Variants in ADTRP observed in about 807,000 individuals in gnomAD.
The protein encoded by ADTRP is androgen-dependent TFPI-regulating protein.
Under a neutral mutation model 27.0 loss-of-function variants are expected in ADTRP, and 20 were observed. The observed-to-expected ratio is 0.74, with a 90% CI of 0.52 to 1.08. The LOEUF (loss-of-function observed/expected upper bound fraction) is 1.08. Ranked by LOEUF, ADTRP falls within the 50% of genes least tolerant of loss-of-function variation. The pLI is 0.00. For synonymous variants in ADTRP, 101 were observed against 105.2 expected (o/e 0.96, Z 0.25); for missense variants, 251 against 275.0 (o/e 0.91, Z 0.62).
At chr6:11,768,875 C>T (rs1273118308) in intron 1 of ADTRP, among the ~76,000 whole-genome samples, 1 of 152,012 alleles carries the variant, frequency 6.6e-6, no homozygotes, top group Admixed American at 6.6e-5. Flanking sequence ...TGTGCTCTCC[C>T]AAGAAAGGCA....
chr6:11,766,160 A>C, intron 3 of ADTRP, 114 bp downstream of exon 3: 1 of 702,162 alleles, frequency 1.4e-6, no homozygotes, highest in South Asian at 2.2e-5. Context: ...AACAGTGATG[A>C]GGTAGATTGG....
Position 11,714,404 on chromosome 6 carries a change from C to CAT in ADTRP, c.*73_*74insAT. On this transcript the variant is annotated 3_prime_UTR_variant, in exon 6 of 6. Coordinates refer to ENST00000414691, the MANE Select transcript of ADTRP (RefSeq NM_032744.4). The stretch of plus-strand genomic sequence containing the variant: ...ATGTTCCTCCACCACCTCCCTCCAC[C>CAT]AGAAAAAAAAAAAAAAGATGAGAAA... 9.5e-7 allele frequency: 1 copy of CAT among 1,051,154 alleles called. No homozygotes were observed. The highest frequency in any genetic ancestry group is 1.3e-6 in the Non-Finnish European group (1 of 753,038). 65.1% of individuals were successfully genotyped at this position (1,051,154 alleles called of 1,614,324 possible).
chr6:11,734,246 A>G (rs765197160), intron 4 of ADTRP, among the ~76,000 whole-genome samples: 3 of 152,230 alleles, frequency 2.0e-5, no homozygotes, highest in Non-Finnish European at 2.9e-5. Context: ...TAAGCCAGAT[A>G]TGGCAAACAC....
chr6:11,716,860 G>A (rs1447695267), intron 5 of ADTRP, among the ~76,000 whole-genome samples: 1 of 149,918 alleles, frequency 6.7e-6, no homozygotes, highest in African/African-American at 2.5e-5. Context: ...GGGACTACAG[G>A]TGTGCGCCAC....
chr6:11,733,681 C>T (rs1266961845), intron 4 of ADTRP, among the ~76,000 whole-genome samples: 2 of 152,184 alleles, frequency 1.3e-5, no homozygotes, highest in African/African-American at 4.8e-5. Context: ...TTCACTGTAT[C>T]CTCCATATTT....
intron 4 of ADTRP, among the ~76,000 whole-genome samples, chr6:11,729,904 A>T (rs777447100): frequency 1.3e-5 from 2 of 152,232 alleles, no homozygotes; most frequent in Admixed American, 6.5e-5. Flanking sequence ...TTTTAGAATT[A>T]TCCTAATTTT....
At chr6:11,758,674 T>A (rs1032143550) in intron 3 of ADTRP, among the ~76,000 whole-genome samples, 16 of 150,334 alleles carry the variant, frequency 1.1e-4, no homozygotes, top group South Asian at 2.1e-4. Flanking sequence ...CATATGTAAC[T>A]AACCTGCACG....
chr6:11,745,799 TG>T (rs1274726685), intron 3 of ADTRP, among the ~76,000 whole-genome samples: 3 of 147,618 alleles, frequency 2.0e-5, no homozygotes, highest in African/African-American at 2.5e-5. Context: ...TTTTCTTTTT[TG>T]TTTTTTTTGA....
intron 4 of ADTRP, among the ~76,000 whole-genome samples, chr6:11,730,371 G>A (rs929671958): frequency 6.6e-6 from 1 of 152,156 alleles, no homozygotes; most frequent in Admixed American, 6.5e-5. Flanking sequence ...TTTTGGAAAC[G>A]GTAACAGTGG....
intron 5 of ADTRP, among the ~76,000 whole-genome samples, chr6:11,718,254 T>C (rs1162861590): frequency 2.0e-5 from 3 of 152,156 alleles, no homozygotes; most frequent in Non-Finnish European, 2.9e-5. Context: ...TCAAGGGGCA[T>C]AGGGAGAGGG....
intron 3 of ADTRP, among the ~76,000 whole-genome samples, chr6:11,760,073 G>A (rs748862572): frequency 5.9e-5 from 9 of 152,144 alleles, no homozygotes; most frequent in African/African-American, 9.7e-5. Flanking sequence ...ACCTCCAAAC[G>A]TTAAGATAAC....
At chr6:11,715,648 CT>C (rs55815652) in intron 5 of ADTRP, among the ~76,000 whole-genome samples, 6,489 of 120,472 alleles carry the variant, frequency 0.054, 234 homozygotes, top group African/African-American at 0.17. Context: ...CTGTTTTTCC[CT>C]TTTTTTTTTT....
intron 3 of ADTRP, among the ~76,000 whole-genome samples, chr6:11,745,983 G>A (rs1762854847): frequency 6.6e-6 from 1 of 152,088 alleles, no homozygotes; most frequent in African/African-American, 2.4e-5. Flanking sequence ...TAGAGATGGG[G>A]TTTCACCATG....
chr6:11,734,660 G>A (rs1401379938), intron 4 of ADTRP, among the ~76,000 whole-genome samples: 1 of 152,164 alleles, frequency 6.6e-6, no homozygotes, highest in Non-Finnish European at 1.5e-5. Flanking sequence ...GAGGCTGGTC[G>A]AGTCCATAAA....
chr6:11,772,374 A>C (rs1763812381), intron 1 of ADTRP, among the ~76,000 whole-genome samples: 1 of 152,250 alleles, frequency 6.6e-6, no homozygotes, highest in Non-Finnish European at 1.5e-5. Flanking sequence ...TAGTTTTTAC[A>C]TTCATGTGTT....
intron 4 of ADTRP, among the ~76,000 whole-genome samples, chr6:11,734,471 A>G (rs1762481788): frequency 6.6e-6 from 1 of 152,208 alleles, no homozygotes; most frequent in South Asian, 2.1e-4. Context: ...AGAGCACTGG[A>G]GTCTGGGGGT....
chr6:11,760,228 A>ATCTTTTCGATGGTCTTGTTCATTGCT (rs1763353863), intron 3 of ADTRP, among the ~76,000 whole-genome samples: 1 of 152,158 alleles, frequency 6.6e-6, no homozygotes, highest in Non-Finnish European at 1.5e-5. Context: ...ACAAGGACAG[A>ATCTTTTCGATGGTCTTGTTCATTGCT]GCATAACCAA....
intron 1 of ADTRP, among the ~76,000 whole-genome samples, chr6:11,774,216 G>T (rs1763875297): frequency 6.6e-6 from 1 of 152,080 alleles, no homozygotes; most frequent in Non-Finnish European, 1.5e-5. Context: ...GGCTGAGGCA[G>T]GAGAATTACC....
chr6:11,723,365 G>A lies in ADTRP; in HGVS notation c.642C>T (p.Leu214=), dbSNP rs760455810. 4.3e-6 allele frequency: 7 copies of A among 1,614,040 alleles called. No individual in the cohort carries two copies. The highest frequency in any genetic ancestry group is 1.7e-5 in the Admixed American group (1 of 60,002). Reference sequence around the variant, plus strand: ...TACACTGACCCCATTTCCAGTGGTTGAGCTTCTCTCCAAGTAGGTAGATGC... The same window carrying A: ...TACACTGACCCCATTTCCAGTGGTTAAGCTTCTCTCCAAGTAGGTAGATGC... ...IASIYLLGEK[L]NHWKWGDMRQ... The change falls in exon 5 of 6, where the codon CTC becomes CTT. Residue 214 remains leucine, a synonymous_variant. Transcript: ENST00000414691.
Sources: allele counts gnomAD v4.1 joint callset (sites outside exome capture counted in the v4.1 genomes callset), GRCh38; gene constraint gnomAD v4.1.1; transcripts MANE v1.5; gene names NCBI Gene and HGNC (gene_info 2026-07-23, HGNC 2026-07-21).